Variants in FOLR1 observed in about 807,000 individuals in gnomAD.
FOLR1 encodes KB cells FBP.
A neutral mutation model predicts 22.8 loss-of-function variants in FOLR1; 11 were observed. That is an observed-to-expected ratio of 0.48 (90% CI 0.30 to 0.80). The LOEUF is 0.80. Ranked by LOEUF, FOLR1 falls within the 30% of genes least tolerant of loss-of-function variation. The pLI is 0.06. For missense variants in FOLR1, 273 were observed against 320.3 expected (o/e 0.85, Z 1.13); for synonymous variants, 108 against 116.5 (o/e 0.93, Z 0.47).
chr11:72,192,763 T>C (rs1048658479), intron 1 of FOLR1, among the ~76,000 whole-genome samples: 1 of 152,064 alleles, frequency 6.6e-6, no homozygotes, highest in African/African-American at 2.4e-5. Context: ...GTGCAAAGCA[T>C]TCTTTTTTTT....
chr11:72,191,518 G>A (rs763263995), upstream of FOLR1, among the ~76,000 whole-genome samples: 12 of 151,860 alleles, frequency 7.9e-5, no homozygotes, highest in South Asian at 2.1e-4. Flanking sequence ...ACACGACACC[G>A]CACCCAGCTC....
chr11:72,192,115 A>G, upstream of FOLR1: 1 of 1,600,762 alleles, frequency 6.2e-7, no homozygotes, highest in Admixed American at 1.7e-5. Flanking sequence ...ACACAACTTA[A>G]GGCCCCACCT....
chr11:72,196,322 G>A (rs1458614338), downstream of FOLR1: 2 of 843,016 alleles, frequency 2.4e-6, no homozygotes, highest in Admixed American at 2.1e-5. Flanking sequence ...GAATTATTTG[G>A]ATATGAATGG....
chr11:72,194,880 C>T (rs1373155317), intron 1 of FOLR1, among the ~76,000 whole-genome samples: 1 of 152,220 alleles, frequency 6.6e-6, no homozygotes, highest in Admixed American at 6.5e-5. Flanking sequence ...ATCTTTGACA[C>T]CTCAGTGAGG....
upstream of FOLR1, among the ~76,000 whole-genome samples, chr11:72,191,654 G>A (rs1226684588): frequency 6.6e-6 from 1 of 152,210 alleles, no homozygotes; most frequent in Non-Finnish European, 1.5e-5. Context: ...GAGCCACCGC[G>A]CCCAGCCCAT....
At chr11:72,193,885 G>C (rs1036902148) in intron 1 of FOLR1, among the ~76,000 whole-genome samples, 5 of 151,972 alleles carry the variant, frequency 3.3e-5, no homozygotes, top group Non-Finnish European at 5.9e-5. Context: ...CCAGGTTCAA[G>C]CAATTCTCCT....
At position 72,192,188 on chromosome 11, in the gene FOLR1, G is replaced by A. The variant is rs529913828; in HGVS notation, c.15G>A (p.Met5Ile). The A allele has an allele frequency of 6.2e-7, 1 of 1,614,180 alleles. No individual in the cohort carries two copies. Among genetic ancestry groups the A allele is most frequent in the South Asian group, 1.1e-5 (1 of 91,080 alleles). MAQR[M>I]TTQLLLLLVW... is the part of the protein sequence containing the mutation. ...CAGGGACAGACATGGCTCAGCGGAT[G>A]ACAACACAGCTGCTGCTCCTTCTAG... The change falls in exon 1 of 4, where the codon ATG becomes ATA. Residue 5 changes from methionine (M) to isoleucine (I), a missense_variant. Coordinates refer to ENST00000393676, the MANE Select transcript of FOLR1 (RefSeq NM_016729.3).
chr11:72,192,012 C>A, upstream of FOLR1: 1 of 734,914 alleles, frequency 1.4e-6, no homozygotes, highest in South Asian at 1.6e-5. Context: ...TCTAATCCTA[C>A]CTTTCATTGG....
At chr11:72,190,894 C>G (rs900313533), upstream of FOLR1, among the ~76,000 whole-genome samples, 3 of 152,168 alleles carry the variant, frequency 2.0e-5, no homozygotes, top group African/African-American at 7.2e-5. Flanking sequence ...AGAGGAGGGG[C>G]AGCACGGGGG....
intron 1 of FOLR1, among the ~76,000 whole-genome samples, chr11:72,193,191 G>T (rs761704189): frequency 4.7e-4 from 71 of 152,160 alleles, no homozygotes; most frequent in Non-Finnish European, 9.3e-4. Context: ...AAAAAAATTA[G>T]TCAGGTGTGG....
chr11:72,196,176 G>T lies in FOLR1; in HGVS notation c.773G>T (p.Ter258LeuextTer6). Residue 258 changes from the stop codon to leucine, a stop_lost, in exon 4 of 4, where the codon TGA becomes TTA. Transcript: ENST00000393676. ...CTAATGCTGCTGTGGCTGCTCAGCT[G>T]ACCTCCTTTTACCTTCTGATACCTG... The part of the protein sequence containing the change: ...LALMLLWLLS[*>L] The T allele has an allele frequency of 6.2e-7, 1 of 1,614,056 alleles. No individual in the cohort carries two copies. Among genetic ancestry groups the T allele is most frequent in the Non-Finnish European group, 8.5e-7 (1 of 1,180,006 alleles).
In FOLR1 at chr11:72,196,280, T is replaced by C. The variant is rs1267805540; in HGVS notation, c.*103T>C. 8.4e-7 allele frequency: 1 copy of C among 1,188,688 alleles called. No individual in the cohort carries two copies. Among genetic ancestry groups the C allele is most frequent in the African/African-American group, 1.5e-5 (1 of 66,584 alleles). 73.6% of individuals were successfully genotyped at this position (1,188,688 alleles called of 1,614,324 possible). Reference sequence around the variant, plus strand: ...ATGGTCGGGCCTCTGACAGCCACTTTGAATAAACCAGACACCGCACATGTG... The same window carrying C: ...ATGGTCGGGCCTCTGACAGCCACTTCGAATAAACCAGACACCGCACATGTG... On this transcript the variant is annotated 3_prime_UTR_variant, in exon 4 of 4. Transcript: ENST00000393676.
At chr11:72,192,373 G>C (rs1176910635) in intron 1 of FOLR1, 32 bp downstream of exon 1, 1 of 1,612,466 alleles carries the variant, frequency 6.2e-7, no homozygotes, top group African/African-American at 1.3e-5. Context: ...GGTGGTGAGG[G>C]ACTGGCTCAG....
chr11:72,190,899 C>T (rs955247479), upstream of FOLR1, among the ~76,000 whole-genome samples: 18 of 152,128 alleles, frequency 1.2e-4, no homozygotes, highest in African/African-American at 4.1e-4. Context: ...AGGGGCAGCA[C>T]GGGGGCAAGG....
chr11:72,194,155 GA>G (rs1030072895), intron 1 of FOLR1, among the ~76,000 whole-genome samples: 3 of 152,148 alleles, frequency 2.0e-5, no homozygotes, highest in African/African-American at 4.8e-5. Context: ...AGGCACACAG[GA>G]GCATAGTTTC....
chr11:72,192,077 T>G, upstream of FOLR1: 1 of 1,424,668 alleles, frequency 7.0e-7, no homozygotes, highest in Non-Finnish European at 9.9e-7. Context: ...CAGGCTTCCG[T>G]CCAGGCCCCA....
chr11:72,192,281 C>A lies in FOLR1; in HGVS notation c.108C>A (p.Val36=). 1 of 1,614,128 alleles carries A rather than the reference C, an allele frequency of 6.2e-7. No homozygotes were observed. The highest frequency in any genetic ancestry group is 8.5e-7 in the Non-Finnish European group (1 of 1,180,038). ...IAWARTELLN[V]CMNAKHHKEK... is the part of the protein sequence containing the mutation. The stretch of plus-strand genomic sequence containing the variant: ...GGGCCAGGACTGAGCTTCTCAATGT[C>A]TGCATGAACGCCAAGCACCACAAGG... Residue 36 remains valine (V), a synonymous_variant, in exon 1 of 4, where the codon GTC becomes GTA. Transcript: ENST00000393676.
chr11:72,192,216 T>C lies in FOLR1; in HGVS notation c.43T>C (p.Trp15Arg). 1 of 1,614,112 alleles carries C rather than the reference T, an allele frequency of 6.2e-7. No homozygotes were observed. The highest frequency in any genetic ancestry group is 8.5e-7 in the Non-Finnish European group (1 of 1,180,018). Residue 15 changes from tryptophan (W) to arginine (R), a missense_variant, in exon 1 of 4, where the codon TGG (tryptophan) becomes CGG (arginine). Coordinates refer to ENST00000393676, the MANE Select transcript of FOLR1 (RefSeq NM_016729.3). Reference sequence around the variant, plus strand: ...AACACAGCTGCTGCTCCTTCTAGTGTGGGTGGCTGTAGTAGGGGAGGCTCA... The same window carrying C: ...AACACAGCTGCTGCTCCTTCTAGTGCGGGTGGCTGTAGTAGGGGAGGCTCA... ...MTTQLLLLLVWVAVVGEAQTR... is the reference protein window; with the variant it reads ...MTTQLLLLLVRVAVVGEAQTR...
chr11:72,190,120 T>C (rs1420428965), upstream of FOLR1: 3 of 152,318 alleles, frequency 2.0e-5, no homozygotes, highest in Non-Finnish European at 4.4e-5. Context: ...TGCAGAGTGA[T>C]GCTGCTCAAA....
Sources: allele counts gnomAD v4.1 joint callset (sites outside exome capture counted in the v4.1 genomes callset), GRCh38; gene constraint gnomAD v4.1.1; transcripts MANE v1.5; gene names NCBI Gene and HGNC (gene_info 2026-07-23, HGNC 2026-07-21).